C4orf17: variants seen among roughly 807,000 people sequenced by gnomAD.
C4orf17 encodes chromosome 4 open reading frame 17.
A neutral mutation model predicts 32.0 loss-of-function variants in C4orf17; 25 were observed. That is an observed-to-expected ratio of 0.78 (90% CI 0.57 to 1.09). The LOEUF is 1.09. C4orf17 is among the 50% of genes least tolerant of loss of function. The pLI is 0.00. For missense variants in C4orf17, 420 were observed against 420.0 expected, an observed-to-expected ratio of 1.00 and a Z score of 0.00; for synonymous variants, 149 against 145.8, an observed-to-expected ratio of 1.02 and a Z score of -0.16.
chr4:99,539,394 A>G (rs575446394), intron 7 of C4orf17, 24 bp downstream of exon 7: 20 of 1,555,664 alleles, frequency 1.3e-5, no homozygotes, highest in Non-Finnish European at 1.5e-5. Context: ...ATGGCCCCCT[A>G]GAGGGAGGGC....
Position 99,539,347 on chromosome 4 carries a change from T to G in C4orf17, c.813T>G (p.Asp271Glu). The G allele has an allele frequency of 6.2e-7, 1 of 1,614,046 alleles. No individual in the cohort carries two copies. The highest frequency in any genetic ancestry group is 2.2e-5 in the East Asian group (1 of 44,868). Residue 271 changes from aspartate to glutamate, a missense_variant, in exon 7 of 9, where the codon GAT becomes GAG. Transcript: ENST00000326581. ...CAAAATCAAAAGTGCTGACCAGAGATACAGAAGGGGATCAACCAACCAGGT... is the reference window on the plus strand; with the variant it reads ...CAAAATCAAAAGTGCTGACCAGAGAGACAGAAGGGGATCAACCAACCAGGT... ...FTAKSKVLTR[D>E]TEGDQPTRVS...
chr4:99,540,300 G>C (rs192399374), intron 7 of C4orf17, 112 bp from the exon 8 acceptor site: 28 of 636,804 alleles, frequency 4.4e-5, no homozygotes, highest in Middle Eastern at 4.4e-4. Context: ...AAAGAATTGG[G>C]GTAGCATATT....
chr4:99,537,760 AG>A lies in C4orf17; in HGVS notation c.628+11del, dbSNP rs1169680456. 1 of 1,601,688 alleles carries A rather than the reference AG, an allele frequency of 6.2e-7. No individual in the cohort carries two copies. Among genetic ancestry groups the A allele is most frequent in the Non-Finnish European group, 8.5e-7 (1 of 1,171,572 alleles). Reference sequence around the variant, plus strand: ...CATGCAACTTCAAAAGGTGCGATTAAGATATAAATTTTAAAACACTGAGCTC... The same window carrying A: ...CATGCAACTTCAAAAGGTGCGATTAAATATAAATTTTAAAACACTGAGCTC... On this transcript the variant is annotated intron_variant, in intron 6 of 8. Transcript: ENST00000326581.
At chr4:99,523,150 T>C (rs1011206739) in intron 3 of C4orf17, among the ~76,000 whole-genome samples, 2 of 152,208 alleles carry the variant, frequency 1.3e-5, no homozygotes, top group Admixed American at 6.5e-5. Flanking sequence ...TCTGCCATCC[T>C]TCCTTTCTCC....
rs1723085194 is a variant in C4orf17 at position 99,511,045 on chromosome 4, C to A, written c.-321C>A. On this transcript the variant is annotated 5_prime_UTR_variant, in exon 1 of 9. Coordinates refer to ENST00000326581, the MANE Select transcript of C4orf17 (RefSeq NM_032149.3). ...TAACATATCTTAACAACCAGGGAGC[C>A]ACACAGGCTCCTTGGAGTAAGAGTG... 1 of 152,106 alleles carries A rather than the reference C, an allele frequency of 6.6e-6. No individual in the cohort carries two copies. The highest frequency in any genetic ancestry group is 1.5e-5 in the Non-Finnish European group (1 of 68,014). 9.4% of individuals were successfully genotyped at this position (152,106 alleles called of 1,614,324 possible).
At chr4:99,524,049 C>T (rs192855919) in intron 3 of C4orf17, among the ~76,000 whole-genome samples, 3,496 of 149,044 alleles carry the variant, frequency 0.023, 83 homozygotes, top group Non-Finnish European at 0.036. Flanking sequence ...GTGCAATCTC[C>T]GCTCACTGCA....
rs1191468416 is a variant in C4orf17, at chr4:99,542,252, T to G, written c.*143T>G. On this transcript the variant is annotated 3_prime_UTR_variant, in exon 9 of 9. Coordinates refer to ENST00000326581, the MANE Select transcript of C4orf17 (RefSeq NM_032149.3). ...ACATGTAAATCTAAAAATACCTGTA[T>G]GTAATGCTACAAATAAATATTACTG... 4 of 679,732 alleles carry G rather than the reference T, an allele frequency of 5.9e-6. No individual in the cohort carries two copies. The highest frequency in any genetic ancestry group is 7.8e-6 in the Non-Finnish European group (3 of 383,928). The allele number at this position is 679,732 out of a possible 1,614,324, so 42.1% of individuals were successfully genotyped here.
intron 3 of C4orf17, 120 bp downstream of exon 3, chr4:99,522,829 G>GT: frequency 1.4e-6 from 1 of 725,570 alleles, no homozygotes; most frequent in African/African-American, 1.8e-5. Context: ...CTCACTGTGA[G>GT]GAACATAAAT....
intron 6 of C4orf17, among the ~76,000 whole-genome samples, chr4:99,538,698 A>G (rs7661656): frequency 0.26 from 39,794 of 152,108 alleles, 5,374 homozygotes; most frequent in South Asian, 0.35. Flanking sequence ...AAAAAAAGAG[A>G]TGAGACAGAA....
Position 99,522,563 on chromosome 4 carries a change from G to A in C4orf17, c.191G>A (p.Gly64Glu), listed in dbSNP as rs13143848. The A allele has an allele frequency of 0.3, 487,216 of 1,611,828 alleles. 75,761 individuals are homozygous for A. Among genetic ancestry groups the A allele is most frequent in the South Asian group, 0.42 (38,299 of 90,986 alleles). ...DDENAFGTLW[G>E]VGQSNYLEKN... ...GAGAATGCATTTGGAACATTGTGGG[G>A]AGTTGGCCAGTCTAACTACTTAGAG... The change falls in exon 3 of 9, where the codon GGA (glycine) becomes GAA (glutamate). Residue 64 changes from glycine to glutamate, a missense_variant. Transcript: ENST00000326581.
At chr4:99,534,234 GTGTT>G in intron 5 of C4orf17, among the ~76,000 whole-genome samples, 1 of 152,292 alleles carries the variant, frequency 6.6e-6, no homozygotes, top group East Asian at 1.9e-4. Context: ...AGAACATGTG[GTGTT>G]TGGTTTTCTG....
At chr4:99,535,531 C>T (rs1490760540) in intron 5 of C4orf17, among the ~76,000 whole-genome samples, 1 of 152,110 alleles carries the variant, frequency 6.6e-6, no homozygotes, top group Non-Finnish European at 1.5e-5. Flanking sequence ...GTCTTTTCTG[C>T]TATGAATACT....
At chr4:99,514,568 C>T (rs2110164571) in intron 2 of C4orf17, among the ~76,000 whole-genome samples, 1 of 152,166 alleles carries the variant, frequency 6.6e-6, no homozygotes, top group African/African-American at 2.4e-5. Context: ...CACCTTACTC[C>T]TGTAAGAACG....
In C4orf17 at chr4:99,537,664, G is replaced by T; in HGVS notation, c.547-5G>T. 2.5e-6 allele frequency: 4 copies of T among 1,608,832 alleles called. No homozygotes were observed. The highest frequency in any genetic ancestry group is 3.4e-6 in the Non-Finnish European group (4 of 1,176,998). The stretch of plus-strand genomic sequence containing the variant: ...CTCATATGTAACTCTAATGTTCTCT[G>T]TCAGATCCTGGCAAAGCTCTGTAGC... On this transcript the variant is annotated splice_polypyrimidine_tract_variant and splice_region_variant and intron_variant, in intron 5 of 8. Transcript: ENST00000326581.
rs1026659372 is a variant in C4orf17 at position 99,542,246 on chromosome 4, C to A, written c.*137C>A. The A allele has an allele frequency of 1.4e-6, 1 of 703,860 alleles. No homozygotes were observed. The highest frequency in any genetic ancestry group is 1.7e-5 in the South Asian group (1 of 59,574). 43.6% of individuals were successfully genotyped at this position (703,860 alleles called of 1,614,324 possible). ...GGTGGCACATGTAAATCTAAAAATA[C>A]CTGTATGTAATGCTACAAATAAATA... On this transcript the variant is annotated 3_prime_UTR_variant, in exon 9 of 9. Transcript: ENST00000326581.
intron 2 of C4orf17, among the ~76,000 whole-genome samples, chr4:99,515,803 A>T (rs1274375137): frequency 6.8e-6 from 1 of 146,542 alleles, no homozygotes; most frequent in Non-Finnish European, 1.5e-5. Context: ...AATTAAAAAT[A>T]AAAAAAAGTC....
rs1723636343 is a variant in C4orf17, at chr4:99,540,440, A to G, written c.865A>G (p.Lys289Glu). Residue 289 changes from lysine (K) to glutamate (E), a missense_variant, in exon 8 of 9, where the codon AAG becomes GAG. Physicochemically the swap from Lys to Glu is moderately conservative, Grantham distance 56. Transcript: ENST00000326581. The part of the protein sequence containing the change: ...RVSSQGSEEN[K>E]EVPKEAEHKP... ...GTCAAGTCAAGGATCTGAAGAAAAC[A>G]AGGAAGTACCAAAAGGTTAAGTACA... 6.2e-7 allele frequency: 1 copy of G among 1,611,660 alleles called. No homozygotes were observed. The highest frequency in any genetic ancestry group is 1.7e-5 in the Admixed American group (1 of 59,968).
intron 5 of C4orf17, among the ~76,000 whole-genome samples, chr4:99,531,287 G>A (rs1723473150): frequency 6.6e-6 from 1 of 151,742 alleles, no homozygotes; most frequent in Non-Finnish European, 1.5e-5. Context: ...GGTGAGTGCT[G>A]GACACCTAGT....
chr4:99,517,151 G>A (rs754112956), intron 2 of C4orf17, among the ~76,000 whole-genome samples: 3 of 152,164 alleles, frequency 2.0e-5, no homozygotes, highest in South Asian at 4.1e-4. Flanking sequence ...TTTCACATCT[G>A]CATGCCACTC....
Sources: allele counts gnomAD v4.1 joint callset (sites outside exome capture counted in the v4.1 genomes callset), GRCh38; gene constraint gnomAD v4.1.1; transcripts MANE v1.5; gene names NCBI Gene and HGNC (gene_info 2026-07-23, HGNC 2026-07-21).